The following ZNF724 variants were observed in gnomAD, a reference collection of about 807,000 sequenced individuals.
ZNF724 encodes the protein zinc finger protein 724 pseudogene.
ZNF724 carries 14 observed loss-of-function variants against 29.3 expected under a neutral mutation model. That is an observed-to-expected ratio of 0.48 (90% CI 0.32 to 0.75). The LOEUF (loss-of-function observed/expected upper bound fraction) is 0.75. Ranked by LOEUF, ZNF724 falls within the 30% of genes least tolerant of loss-of-function variation. The probability of loss-of-function intolerance (pLI) is 0.04; values close to 1 mark genes in which losing one functional copy is unlikely to be tolerated. For synonymous variants in ZNF724, 180 were observed against 193.6 expected, an observed-to-expected ratio of 0.93 and a Z score of 0.58; for missense variants, 557 against 571.2, an observed-to-expected ratio of 0.98 and a Z score of 0.25.
intron 1 of ZNF724, among the ~76,000 whole-genome samples, chr19:23,233,404 A>G (rs963615083): frequency 6.6e-6 from 1 of 152,196 alleles, no homozygotes; most frequent in African/African-American, 2.4e-5. Context: ...GGTTCTGCAT[A>G]GGGCTAATAG....
At chr19:23,228,172 G>A (rs1255020807) in intron 3 of ZNF724, among the ~76,000 whole-genome samples, 1 of 152,268 alleles carries the variant, frequency 6.6e-6, no homozygotes, top group South Asian at 2.1e-4. Context: ...TTTAAAGGCC[G>A]AGTGTGGTGG....
rs192728845 is a variant in ZNF724, at chr19:23,239,039, T to C, written c.4-6746A>G. On this transcript the variant is annotated intron_variant, in intron 1 of 3. Transcript: ENST00000418100. ...AAGAAAAAAGCAGAAGAGAGAAAGG[T>C]GTTCTAAAAAAATCCATGAGTGCAT... Among the ~76,000 whole-genome samples the C allele has an allele frequency of 3.6e-3, 543 of 152,168 alleles. 4 individuals are homozygous for C. Among genetic ancestry groups the C allele is most frequent in the African/African-American group, 0.013 (528 of 41,506 alleles).
chr19:23,245,690 T>C (rs1972222903), intron 1 of ZNF724, among the ~76,000 whole-genome samples: 1 of 152,202 alleles, frequency 6.6e-6, no homozygotes, highest in Non-Finnish European at 1.5e-5. Context: ...ACCTTGTTTC[T>C]CATCTTGGTT....
chr19:23,250,099 T>C, intron 1 of ZNF724, 141 bp downstream of exon 1: 1 of 517,048 alleles, frequency 1.9e-6, no homozygotes, highest in Non-Finnish European at 3.9e-6. Context: ...TGAAGGGGAC[T>C]GAGGCCCAGC....
rs368752882 is a variant in ZNF724, at chr19:23,230,574, C to T, written c.226+692G>A. ...AACCACTACTCTCACATATTTCAGA[C>T]ATGATGTAGAAAGAAAACTTAATAG... On this transcript the variant is annotated intron_variant, in intron 3 of 3. Transcript: ENST00000418100. 3.3e-5 allele frequency among the ~76,000 whole-genome samples: 5 copies of T among 152,166 alleles called. No homozygotes were observed. The East Asian group carries it at 9.6e-4, about 29-fold the overall frequency.
At position 23,223,218 on chromosome 19, in the gene ZNF724, A is replaced by G. The variant is rs1971756334; in HGVS notation, c.1027T>C (p.Cys343Arg). The change falls in exon 4 of 4, where the codon TGT (cysteine) becomes CGT (arginine). Residue 343 changes from cysteine (C) to arginine (R), a missense_variant. By Grantham distance (180) the Cys-to-Arg change is radical. Coordinates refer to ENST00000418100, the MANE Select transcript of ZNF724 (RefSeq NM_001355404.2). ...TGDKPYKCEECGKAFNVSSTL... is the reference protein window; with the variant it reads ...TGDKPYKCEERGKAFNVSSTL... ...GAGGACACATTAAAGGCTTTGCCAC[A>G]TTCTTCACATTTATAAGGTTTATCA... is the stretch of plus-strand genomic sequence containing the variant. 1.0e-6 allele frequency: 1 copy of G among 1,003,856 alleles called. No individual in the cohort carries two copies. Among genetic ancestry groups the G allele is most frequent in the Non-Finnish European group, 1.6e-6 (1 of 625,996 alleles). The allele number at this position is 1,003,856 out of a possible 1,614,324, so 62.2% of individuals were successfully genotyped here. A position where few individuals can be genotyped will look rare whatever the true frequency, so the allele number is the denominator to read the frequency against.
chr19:23,235,978 A>ACAGCACC (rs1972016286), intron 1 of ZNF724, among the ~76,000 whole-genome samples: 3 of 152,186 alleles, frequency 2.0e-5, no homozygotes, highest in African/African-American at 7.2e-5. Context: ...AAAAGAATTT[A>ACAGCACC]TAGCACCATG....
At chr19:23,227,225 T>A (rs1971848069) in intron 3 of ZNF724, among the ~76,000 whole-genome samples, 1 of 151,602 alleles carries the variant, frequency 6.6e-6, no homozygotes, top group African/African-American at 2.4e-5. Context: ...TTTAAATGTA[T>A]GTTATTCTTA....
chr19:23,223,462 T>C lies in ZNF724; in HGVS notation c.783A>G (p.Lys261=), dbSNP rs1971762908. Residue 261 remains lysine, a synonymous_variant, in exon 4 of 4, where the codon AAA becomes AAG. Coordinates refer to ENST00000418100, the MANE Select transcript of ZNF724 (RefSeq NM_001355404.2). ...EKSYKREECG[K]AFNISSHLTT... is the part of the protein sequence containing the mutation. ...TAAGGTGTGAGGATATGTTAAAAGC[T>C]TTTCCACATTCTTCACGTTTGTAGG... is the stretch of plus-strand genomic sequence containing the variant. 1.3e-6 allele frequency: 1 copy of C among 762,040 alleles called. No homozygotes were observed. The highest frequency in any genetic ancestry group is 2.4e-6 in the Non-Finnish European group (1 of 409,560). The allele number at this position is 762,040 out of a possible 1,614,324, so 47.2% of individuals were successfully genotyped here.
intron 3 of ZNF724, among the ~76,000 whole-genome samples, chr19:23,228,043 C>A (rs940583841): frequency 2.0e-5 from 3 of 152,120 alleles, no homozygotes; most frequent in Non-Finnish European, 4.4e-5. Flanking sequence ...ATGTCTCACA[C>A]CTGTAATGAC....
At chr19:23,245,557 G>A (rs927633418) in intron 1 of ZNF724, among the ~76,000 whole-genome samples, 2 of 151,864 alleles carry the variant, frequency 1.3e-5, no homozygotes, top group Non-Finnish European at 2.9e-5. Flanking sequence ...GGCTTGCAGT[G>A]AGCAGAGATC....
In ZNF724 at chr19:23,222,605, G is replaced by A; in HGVS notation, c.1640C>T (p.Ser547Leu). The change falls in exon 4 of 4, where the codon TCA becomes TTA. Residue 547 changes from serine (S) to leucine (L), a missense_variant. Around this residue, in one of 3 missense-constraint regions of ZNF724, gnomAD observed 170 missense variants for 220.7 expected, o/e 0.77. Transcript: ENST00000418100. The part of the protein sequence containing the change: ...EECGKAFYQY[S>L]NLTQHKIIHT... ...AATTATCTTATGTTGAGTAAGGTTTGAGTATTGGTAAAAAGCTTTGCCACA... is the reference window on the plus strand; with the variant it reads ...AATTATCTTATGTTGAGTAAGGTTTAAGTATTGGTAAAAAGCTTTGCCACA... The A allele has an allele frequency of 1.5e-6, 2 of 1,371,494 alleles. No homozygotes were observed. Among genetic ancestry groups the A allele is most frequent in the Non-Finnish European group, 2.1e-6 (2 of 960,850 alleles). The allele number at this position is 1,371,494 out of a possible 1,614,324, so 85.0% of individuals were successfully genotyped here.
chr19:23,223,795 A>G lies in ZNF724; in HGVS notation c.450T>C (p.Tyr150=), dbSNP rs753443718. 7 of 776,384 alleles carry G rather than the reference A, an allele frequency of 9.0e-6. No homozygotes were observed. The highest frequency in any genetic ancestry group is 1.7e-5 in the African/African-American group (1 of 58,936). The allele number at this position is 776,384 out of a possible 1,614,324, so 48.1% of individuals were successfully genotyped here. The change falls in exon 4 of 4, where the codon TAT becomes TAC. Residue 150 remains tyrosine (Y), a synonymous_variant. Coordinates refer to ENST00000418100, the MANE Select transcript of ZNF724 (RefSeq NM_001355404.2). ...TQSKIFQCDK[Y]VKDFHKFSNS... ...TTGAAAATTTATGAAAGTCTTTCAC[A>G]TATTTATCACACTGAAATATTTTGC...
In ZNF724 at chr19:23,231,449, AAATT is replaced by A. The variant is rs1480474607; in HGVS notation, c.131-92_131-89del. 5.2e-4 allele frequency: 476 copies of A among 909,292 alleles called. 8 individuals are homozygous for A. In the East Asian group the frequency reaches 0.014, roughly 26 times the overall value. 56.3% of individuals were successfully genotyped at this position (909,292 alleles called of 1,614,324 possible). ...AAAAGGGTGTAATTAATAGAATACTAAATTAATTACAAAATACAAATTTAAAACA... is the reference window on the plus strand; with the variant it reads ...AAAAGGGTGTAATTAATAGAATACTAAATTACAAAATACAAATTTAAAACA... On this transcript the variant is annotated intron_variant, in intron 2 of 3. Coordinates refer to ENST00000418100, the MANE Select transcript of ZNF724 (RefSeq NM_001355404.2).
rs114637445 is a variant in ZNF724, at chr19:23,228,932, C to T, written c.226+2334G>A. Among the ~76,000 whole-genome samples, 837 of 150,486 alleles carry T rather than the reference C, an allele frequency of 5.6e-3. 6 individuals carry two copies. The highest frequency in any genetic ancestry group is 0.02 in the African/African-American group (801 of 40,894). On this transcript the variant is annotated intron_variant, in intron 3 of 3. Transcript: ENST00000418100. ...AAAAAAAATTTTCCGGGCATGGTGG[C>T]GCGTGCTTATAATCCCAGCTACTGG... is the stretch of plus-strand genomic sequence containing the variant.
chr19:23,231,733 T>G (rs1016789858), intron 2 of ZNF724, among the ~76,000 whole-genome samples: 3 of 151,972 alleles, frequency 2.0e-5, no homozygotes, highest in Non-Finnish European at 4.4e-5. Context: ...CAAGATTTTC[T>G]TTCTCTCCCT....
At chr19:23,247,757 C>T (rs1972267712) in intron 1 of ZNF724, among the ~76,000 whole-genome samples, 1 of 152,142 alleles carries the variant, frequency 6.6e-6, no homozygotes, top group Admixed American at 6.6e-5. Flanking sequence ...AGCGTCTGAT[C>T]GCTGACCAGC....
At chr19:23,232,874 A>G (rs1202814975) in intron 1 of ZNF724, among the ~76,000 whole-genome samples, 2 of 152,188 alleles carry the variant, frequency 1.3e-5, no homozygotes, top group Non-Finnish European at 1.5e-5. Flanking sequence ...TTTTCCAAAA[A>G]CAGATATATG....
At position 23,222,931 on chromosome 19, in the gene ZNF724, A is replaced by G. The variant is rs1298229474; in HGVS notation, c.1314T>C (p.Thr438=). 1 of 1,385,690 alleles carries G rather than the reference A, an allele frequency of 7.2e-7. No individual in the cohort carries two copies. 85.8% of individuals were successfully genotyped at this position (1,385,690 alleles called of 1,614,324 possible). Residue 438 remains threonine, a synonymous_variant, in exon 4 of 4, where the codon ACT becomes ACC. Coordinates refer to ENST00000418100, the MANE Select transcript of ZNF724 (RefSeq NM_001355404.2). ...CTCCAGTATGAATTATCTTATGTGT[A>G]GTAAGTTGTGAGAACTGGTTAAAGG... The part of the protein sequence containing the change: ...GKAFNQFSQL[T]THKIIHTGEK...
Sources: gnomAD v4.1 joint callset for allele counts (sites outside exome capture counted in the v4.1 genomes callset) on GRCh38, gnomAD v4.1.1 for gene constraint, gnomAD v4.1.1 regional missense constraint, MANE v1.5 for transcripts, NCBI Gene and HGNC (gene_info 2026-07-23, HGNC 2026-07-21) for gene names.